The following DENND1A variants were observed in gnomAD, a reference collection of about 807,000 sequenced individuals.
DENND1A encodes the protein DENN domain-containing protein 1A.
In DENND1A, 51 loss-of-function variants were observed where a neutral mutation model predicts 113.7. That is an observed-to-expected ratio of 0.45 (90% CI 0.36 to 0.57). DENND1A has a LOEUF of 0.57. Ranked by LOEUF, DENND1A falls within the 20% of genes least tolerant of loss-of-function variation. DENND1A has a pLI of 0.00. For synonymous variants in DENND1A, 565 were observed against 570.8 expected (o/e 0.99, Z 0.14); for missense variants, 1,258 against 1,395.9 (o/e 0.90, Z 1.57).
intron 9 of DENND1A, among the ~76,000 whole-genome samples, chr9:123,635,066 T>A (rs1159677136): frequency 1.4e-5 from 2 of 146,372 alleles, no homozygotes; most frequent in Non-Finnish European, 3.0e-5. Context: ...AATGACGGAG[T>A]GGGAAAAATC....
chr9:123,606,549 C>T (rs2060163437), intron 11 of DENND1A, among the ~76,000 whole-genome samples: 1 of 152,156 alleles, frequency 6.6e-6, no homozygotes, highest in African/African-American at 2.4e-5. Flanking sequence ...TACAAAAGGC[C>T]TTATTTTAAA....
chr9:123,472,555 C>T (rs1305782723), intron 13 of DENND1A, among the ~76,000 whole-genome samples: 1 of 152,158 alleles, frequency 6.6e-6, no homozygotes, highest in Non-Finnish European at 1.5e-5. Context: ...TACACCCCGC[C>T]CAGCCCTGAA....
chr9:123,860,404 T>G (rs1844892117), intron 2 of DENND1A, among the ~76,000 whole-genome samples: 5 of 152,206 alleles, frequency 3.3e-5, no homozygotes. Flanking sequence ...TAATTAAAGT[T>G]TCTATCAGTT....
intron 13 of DENND1A, among the ~76,000 whole-genome samples, chr9:123,535,538 TTCTC>T: frequency 6.6e-6 from 1 of 152,326 alleles, no homozygotes; most frequent in African/African-American, 2.4e-5. Context: ...TCTCCTATGT[TTCTC>T]TCTGTGTTCA....
At chr9:123,653,327 A>T (rs1277720137) in intron 8 of DENND1A, among the ~76,000 whole-genome samples, 1 of 152,190 alleles carries the variant, frequency 6.6e-6, no homozygotes, top group Non-Finnish European at 1.5e-5. Context: ...GACACTGTGG[A>T]TGTGTAATTG....
chr9:123,396,946 C>T (rs1021299023), intron 21 of DENND1A, among the ~76,000 whole-genome samples: 2 of 152,168 alleles, frequency 1.3e-5, no homozygotes, highest in African/African-American at 4.8e-5. Context: ...AGGGTAAAGG[C>T]TTTTGGTCTT....
At chr9:123,553,250 T>C (rs1172511949) in intron 13 of DENND1A, among the ~76,000 whole-genome samples, 1 of 152,154 alleles carries the variant, frequency 6.6e-6, no homozygotes, top group African/African-American at 2.4e-5. Context: ...AGACCCCGTC[T>C]CAAAATAATA....
chr9:123,647,214 A>G (rs975707264), intron 9 of DENND1A, among the ~76,000 whole-genome samples: 14 of 141,332 alleles, frequency 9.9e-5, no homozygotes, highest in Admixed American at 5.1e-4. Flanking sequence ...AACAACTTTC[A>G]AAGAAAAAAA....
intron 5 of DENND1A, among the ~76,000 whole-genome samples, chr9:123,694,254 T>C (rs1171412202): frequency 6.6e-6 from 1 of 152,164 alleles, no homozygotes; most frequent in Non-Finnish European, 1.5e-5. Context: ...AGCTCTCTCC[T>C]AGCTAAGAAA....
intron 1 of DENND1A, among the ~76,000 whole-genome samples, chr9:123,899,422 C>T (rs1194536345): frequency 6.6e-6 from 1 of 152,132 alleles, no homozygotes; most frequent in Admixed American, 6.6e-5. Flanking sequence ...ACTACACTAC[C>T]TTAAATGCTG....
intron 19 of DENND1A, among the ~76,000 whole-genome samples, chr9:123,439,557 A>C (rs2046775969): frequency 6.6e-6 from 1 of 152,254 alleles, no homozygotes; most frequent in Non-Finnish European, 1.5e-5. Flanking sequence ...ACTCTTAATC[A>C]TGCATCATCT....
At chr9:123,810,757 C>A (rs909013951) in intron 2 of DENND1A, among the ~76,000 whole-genome samples, 2 of 136,670 alleles carry the variant, frequency 1.5e-5, no homozygotes, top group African/African-American at 6.4e-5. Flanking sequence ...AACTTAAATC[C>A]CTTTTTTTTT....
chr9:123,458,982 C>CA (rs1294347853), intron 13 of DENND1A, among the ~76,000 whole-genome samples: 1 of 151,750 alleles, frequency 6.6e-6, no homozygotes, highest in African/African-American at 2.4e-5. Context: ...AACAAACAAA[C>CA]AAAAAAACAA....
intron 19 of DENND1A, among the ~76,000 whole-genome samples, chr9:123,425,573 C>T (rs770408658): frequency 7.2e-5 from 11 of 152,270 alleles, no homozygotes; most frequent in Admixed American, 2.6e-4. Flanking sequence ...CTCTTCCCCA[C>T]GTCACTGCCT....
intron 5 of DENND1A, among the ~76,000 whole-genome samples, chr9:123,678,602 T>A (rs1401945959): frequency 6.6e-6 from 1 of 152,132 alleles, no homozygotes; most frequent in Non-Finnish European, 1.5e-5. Context: ...CTGAGGGTAA[T>A]AAATGAAGTG....
chr9:123,903,331 CAAAAAAAAAAAAAAAA>C (rs869154918), intron 1 of DENND1A, among the ~76,000 whole-genome samples: 2 of 27,010 alleles, frequency 7.4e-5, no homozygotes, highest in African/African-American at 2.3e-4. Flanking sequence ...GACTCCGTCT[CAAAAAAAAAAAAAAAA>C]AAAAAAAAAA....
intron 5 of DENND1A, among the ~76,000 whole-genome samples, chr9:123,732,987 G>A (rs1214538167): frequency 1.3e-5 from 2 of 152,182 alleles, no homozygotes; most frequent in African/African-American, 2.4e-5. Flanking sequence ...TAAGTTTATT[G>A]TTGTTGTTTT....
Position 123,403,782 on chromosome 9 carries a change from T to TG in DENND1A, c.1543-293dup, listed in dbSNP as rs531238431. On this transcript the variant is annotated intron_variant, in intron 20 of 23. Transcript: ENST00000394215. ...CATTGGCCTCCTTGCAGGGCTGTGG[T>TG]GAGGGTCCAATGAGATGATGTCTAC... 2.0e-5 allele frequency among the ~76,000 whole-genome samples: 3 copies of TG among 152,266 alleles called. No individual in the cohort carries two copies. The East Asian group carries it at 5.8e-4, about 29-fold the overall frequency.
At chr9:123,674,227 C>G (rs537298534) in intron 6 of DENND1A, among the ~76,000 whole-genome samples, 3 of 152,188 alleles carry the variant, frequency 2.0e-5, no homozygotes, top group African/African-American at 7.2e-5. Context: ...CATTCAAGGT[C>G]TGATGAGCAT....
Sources: gnomAD v4.1 joint callset for allele counts (sites outside exome capture counted in the v4.1 genomes callset) on GRCh38, gnomAD v4.1.1 for gene constraint, MANE v1.5 for transcripts, NCBI Gene and HGNC (gene_info 2026-07-23, HGNC 2026-07-21) for gene names.